The following NT5C3A variants were observed in gnomAD, a reference collection of about 807,000 sequenced individuals.
NT5C3A encodes the protein cytosolic 5'-nucleotidase 3A.
Under a neutral mutation model 40.0 loss-of-function variants are expected in NT5C3A, and 23 were observed. The ratio of observed to expected loss-of-function variants is 0.58; its 90% CI spans 0.41 to 0.81. The LOEUF (loss-of-function observed/expected upper bound fraction) is 0.81, where lower values mean the gene tolerates loss of function less well. NT5C3A is among the 40% of genes least tolerant of loss of function. NT5C3A has a pLI of 0.00. For missense variants in NT5C3A, 328 were observed against 403.0 expected, an observed-to-expected ratio of 0.81 and a Z score of 1.59; for synonymous variants, 130 against 141.4, an observed-to-expected ratio of 0.92 and a Z score of 0.57.
intron 1 of NT5C3A, among the ~76,000 whole-genome samples, chr7:33,031,364 G>C (rs1044966796): frequency 6.6e-6 from 1 of 151,794 alleles, no homozygotes; most frequent in Non-Finnish European, 1.5e-5. Flanking sequence ...GAGGCAGGAG[G>C]ATCACTTGGG....
At chr7:33,031,763 T>G (rs1046238525) in intron 1 of NT5C3A, among the ~76,000 whole-genome samples, 1 of 152,094 alleles carries the variant, frequency 6.6e-6, no homozygotes, top group African/African-American at 2.4e-5. Flanking sequence ...ACTAAAAAAA[T>G]TACTTGTACT....
intron 1 of NT5C3A, among the ~76,000 whole-genome samples, chr7:33,048,564 CAT>C (rs1402995615): frequency 6.6e-6 from 1 of 152,132 alleles, no homozygotes; most frequent in Non-Finnish European, 1.5e-5. Context: ...GTGGGTAAAA[CAT>C]ATATGAAAGC....
At chr7:33,048,193 TGTG>T (rs1358670654) in intron 1 of NT5C3A, among the ~76,000 whole-genome samples, 10 of 151,892 alleles carry the variant, frequency 6.6e-5, no homozygotes, top group African/African-American at 2.2e-4. Flanking sequence ...TGTGTGTGTG[TGTG>T]TGGTTTTTTT....
chr7:33,035,734 T>C (rs1164215334), intron 1 of NT5C3A, among the ~76,000 whole-genome samples: 2 of 152,312 alleles, frequency 1.3e-5, no homozygotes, highest in African/African-American at 4.8e-5. Flanking sequence ...AGCACGACAA[T>C]GTGCATTAGA....
At chr7:33,043,328 G>A (rs1171760963) in intron 1 of NT5C3A, among the ~76,000 whole-genome samples, 1 of 152,152 alleles carries the variant, frequency 6.6e-6, no homozygotes, top group Non-Finnish European at 1.5e-5. Context: ...ACATAAGACA[G>A]TATTTGTAAT....
At chr7:33,052,054 A>G (rs985123259) in intron 1 of NT5C3A, among the ~76,000 whole-genome samples, 1 of 151,984 alleles carries the variant, frequency 6.6e-6, no homozygotes, top group Non-Finnish European at 1.5e-5. Context: ...AACAGCTTCT[A>G]AAGTTTTTGT....
At chr7:33,040,852 C>G (rs1786877841) in intron 1 of NT5C3A, 1 of 978,998 alleles carries the variant, frequency 1.0e-6, no homozygotes. Context: ...AACTCATTTA[C>G]ATGAACCGTA....
intron 1 of NT5C3A, among the ~76,000 whole-genome samples, chr7:33,042,312 A>G (rs1312985609): frequency 6.6e-6 from 1 of 152,180 alleles, no homozygotes; most frequent in Non-Finnish European, 1.5e-5. Context: ...CCCAGGCAAC[A>G]AGAGCAAAAC....
intron 1 of NT5C3A, chr7:33,041,287 AT>A: frequency 3.7e-6 from 1 of 266,928 alleles, no homozygotes; most frequent in Non-Finnish European, 5.8e-6. Context: ...AGTTAAAAAG[AT>A]TAGGTTGCTG....
Position 33,036,143 on chromosome 7 carries a change from T to C in NT5C3A, c.139-9228A>G, listed in dbSNP as rs1583936708. On this transcript the variant is annotated intron_variant, in intron 1 of 8. Transcript: ENST00000610140. ...TTGTTTTTTAAAAATGTTTATTTTA[T>C]GTACAAAGAACTAACATGGTTTCTT... is the stretch of plus-strand genomic sequence containing the variant. 9 of 655,742 alleles carry C rather than the reference T, an allele frequency of 1.4e-5. No homozygotes were observed. In the East Asian group the frequency reaches 2.5e-4, roughly 18 times the overall value. 40.6% of individuals were successfully genotyped at this position (655,742 alleles called of 1,614,324 possible). A position where few individuals can be genotyped will look rare whatever the true frequency, so the allele number is the denominator to read the frequency against.
At chr7:33,019,241 G>C (rs1291467776) in intron 6 of NT5C3A, among the ~76,000 whole-genome samples, 2 of 148,716 alleles carry the variant, frequency 1.3e-5, no homozygotes, top group Non-Finnish European at 3.0e-5. Flanking sequence ...GGGCAACAGA[G>C]AGAGACCCTG....
intron 1 of NT5C3A, among the ~76,000 whole-genome samples, chr7:33,041,612 A>AT (rs1452496486): frequency 6.6e-6 from 1 of 152,100 alleles, no homozygotes; most frequent in Non-Finnish European, 1.5e-5. Flanking sequence ...TAATTTTTAT[A>AT]TTTTCTTATA....
chr7:33,024,080 CTGAG>C lies in NT5C3A; in HGVS notation c.262_265del (p.Leu88ValfsTer34). The C allele has an allele frequency of 1.3e-6, 2 of 1,585,612 alleles. No homozygotes were observed. Among genetic ancestry groups the C allele is most frequent in the Non-Finnish European group, 1.7e-6 (2 of 1,154,674 alleles). The stretch of plus-strand genomic sequence containing the variant: ...TCTTTTCCCTTTATATGAAAATCTA[CTGAG>C]TGTCATATCAAAGTCCGTTATTATC... On this transcript the variant is annotated frameshift_variant, in exon 3 of 9. Coordinates refer to ENST00000610140, the MANE Select transcript of NT5C3A (RefSeq NM_001002010.5). LOFTEE classifies it high-confidence loss of function.
At chr7:33,019,372 TAA>T (rs1266976817) in intron 6 of NT5C3A, among the ~76,000 whole-genome samples, 4 of 152,328 alleles carry the variant, frequency 2.6e-5, no homozygotes, top group African/African-American at 9.6e-5. Context: ...TCAAAAATTT[TAA>T]GTCTTGACAT....
At chr7:33,022,001 CA>C in intron 4 of NT5C3A, 51 bp downstream of exon 4, 1 of 1,041,046 alleles carries the variant, frequency 9.6e-7, no homozygotes. Flanking sequence ...AATTCTCAGG[CA>C]AAAAGGGTAA....
At chr7:33,021,702 G>A in intron 4 of NT5C3A, 1 of 397,892 alleles carries the variant, frequency 2.5e-6, no homozygotes, top group Non-Finnish European at 4.6e-6. Context: ...CTCAAGCGAA[G>A]TACTGAAGCA....
intron 1 of NT5C3A, among the ~76,000 whole-genome samples, chr7:33,053,683 TGAAAGAAA>T (rs557024957): frequency 5.9e-5 from 9 of 151,468 alleles, no homozygotes; most frequent in African/African-American, 1.9e-4. Context: ...AATAAATGAC[TGAAAGAAA>T]GAAAGAAAGA....
chr7:33,038,991 T>C (rs1198989548), intron 1 of NT5C3A: 20 of 431,054 alleles, frequency 4.6e-5, no homozygotes, highest in South Asian at 1.6e-5. Flanking sequence ...AACTGGAAAA[T>C]GTGGAAACTG....
chr7:33,016,577 G>A (rs1785340134), intron 7 of NT5C3A, among the ~76,000 whole-genome samples: 1 of 150,652 alleles, frequency 6.6e-6, no homozygotes, highest in South Asian at 2.1e-4. Context: ...GCTGAGGTAG[G>A]GAGAATTGCT....
Sources: gnomAD v4.1 joint callset for allele counts (sites outside exome capture counted in the v4.1 genomes callset) on GRCh38, gnomAD v4.1.1 for gene constraint, MANE v1.5 for transcripts, NCBI Gene and HGNC (gene_info 2026-07-23, HGNC 2026-07-21) for gene names.